SFMBT2: variants seen among roughly 807,000 people sequenced by gnomAD.
SFMBT2 encodes the protein scm-like with four MBT domains protein 2.
A neutral mutation model predicts 110.1 loss-of-function variants in SFMBT2; 38 were observed. The observed-to-expected ratio is 0.35, with a 90% confidence interval of 0.27 to 0.45. The LOEUF (loss-of-function observed/expected upper bound fraction) is 0.45, where lower values mean the gene tolerates loss of function less well. SFMBT2 is among the 20% of genes least tolerant of loss of function. The pLI is 1.00. For synonymous variants in SFMBT2, 425 were observed against 425.4 expected, an observed-to-expected ratio of 1.00 and a Z score of 0.01; for missense variants, 1,011 against 1,094.9, an observed-to-expected ratio of 0.92 and a Z score of 1.08.
At chr10:7,226,606 C>A (rs1321082994) in intron 10 of SFMBT2, among the ~76,000 whole-genome samples, 1 of 152,184 alleles carries the variant, frequency 6.6e-6, no homozygotes, top group African/African-American at 2.4e-5. Flanking sequence ...ACTTTCCTAA[C>A]TAAAAGCATG....
At chr10:7,339,525 T>C (rs1430350427) in intron 4 of SFMBT2, among the ~76,000 whole-genome samples, 1 of 152,266 alleles carries the variant, frequency 6.6e-6, no homozygotes, top group East Asian at 1.9e-4. Context: ...TATGTTTTGA[T>C]AGGTGCACTG....
At chr10:7,242,979 A>C (rs1276309863) in intron 9 of SFMBT2, among the ~76,000 whole-genome samples, 1 of 152,174 alleles carries the variant, frequency 6.6e-6, no homozygotes, top group East Asian at 1.9e-4. Context: ...TTCCTGAATA[A>C]ACCTGACCTA....
chr10:7,362,893 C>A (rs960338176), intron 4 of SFMBT2, among the ~76,000 whole-genome samples: 1 of 152,242 alleles, frequency 6.6e-6, no homozygotes, highest in African/African-American at 2.4e-5. Flanking sequence ...CTGGGCTAGA[C>A]GTCCATGGAT....
chr10:7,340,108 C>T (rs1345950037), intron 4 of SFMBT2, among the ~76,000 whole-genome samples: 1 of 152,194 alleles, frequency 6.6e-6, no homozygotes, highest in East Asian at 1.9e-4. Context: ...TCAATCCCAG[C>T]ATTTTGGGAT....
chr10:7,210,466 A>T (rs1839306974), intron 11 of SFMBT2, among the ~76,000 whole-genome samples: 1 of 152,198 alleles, frequency 6.6e-6, no homozygotes, highest in Non-Finnish European at 1.5e-5. Context: ...GAGGAGGCAA[A>T]TGGGTTCCAC....
At chr10:7,395,237 C>T (rs994096827) in intron 1 of SFMBT2, among the ~76,000 whole-genome samples, 4 of 152,162 alleles carry the variant, frequency 2.6e-5, no homozygotes, top group African/African-American at 9.7e-5. Context: ...CAGTGAGCAG[C>T]CACTGCACTG....
intron 9 of SFMBT2, among the ~76,000 whole-genome samples, chr10:7,229,471 C>T (rs1840046974): frequency 6.6e-6 from 1 of 150,848 alleles, no homozygotes; most frequent in African/African-American, 2.4e-5. Context: ...CCCAGCTACT[C>T]GGGAGGCTGT....
intron 4 of SFMBT2, among the ~76,000 whole-genome samples, chr10:7,342,610 C>CGTGTTAGCCAGG (rs1018103775): frequency 4.0e-4 from 61 of 152,018 alleles, no homozygotes; most frequent in Admixed American, 1.7e-3. Flanking sequence ...AGGGTTTCAC[C>CGTGTTAGCCAGG]ATGGTCTCGA....
At chr10:7,184,159 C>CA (rs921031326) in intron 16 of SFMBT2, among the ~76,000 whole-genome samples, 5 of 151,936 alleles carry the variant, frequency 3.3e-5, no homozygotes, top group Non-Finnish European at 5.9e-5. Context: ...GATAAAATGC[C>CA]AAAAAAATCA....
At chr10:7,290,463 G>C (rs996513325) in intron 4 of SFMBT2, among the ~76,000 whole-genome samples, 5 of 152,134 alleles carry the variant, frequency 3.3e-5, no homozygotes, top group African/African-American at 7.2e-5. Context: ...CTCAAGTTCT[G>C]AGTTTGAGTT....
At chr10:7,308,947 A>G (rs1842770256) in intron 4 of SFMBT2, among the ~76,000 whole-genome samples, 1 of 152,240 alleles carries the variant, frequency 6.6e-6, no homozygotes, top group African/African-American at 2.4e-5. Flanking sequence ...CCAGAAATGG[A>G]TATCCAAATG....
intron 10 of SFMBT2, among the ~76,000 whole-genome samples, chr10:7,227,088 A>T (rs1260363181): frequency 6.6e-6 from 1 of 152,214 alleles, no homozygotes; most frequent in Non-Finnish European, 1.5e-5. Flanking sequence ...TGTCACAAAA[A>T]TCCTATTATT....
In SFMBT2 at chr10:7,408,355, G is replaced by A. The variant is rs894511715; in HGVS notation, c.-52+2506C>T. Among the ~76,000 whole-genome samples the A allele has an allele frequency of 2.0e-5, 3 of 152,180 alleles. No individual in the cohort carries two copies. The highest frequency in any genetic ancestry group is 7.2e-5 in the African/African-American group (3 of 41,438). The stretch of plus-strand genomic sequence containing the variant: ...GCCGCGGGGTCTCCAAGCCAGTGCC[G>A]CTTGCTCCCGGCCCCCACCCACTGA... On this transcript the variant is annotated intron_variant, in intron 1 of 20. Coordinates refer to ENST00000397167, the MANE Select transcript of SFMBT2 (RefSeq NM_001387889.1). The surrounding 1 kb of genome is among the most constrained non-coding windows in gnomAD (Gnocchi z 5.7).
At chr10:7,191,406 C>T (rs1047437332) in intron 15 of SFMBT2, among the ~76,000 whole-genome samples, 2 of 152,216 alleles carry the variant, frequency 1.3e-5, no homozygotes, top group East Asian at 3.8e-4. Flanking sequence ...TTCCACCTCA[C>T]GCTCTGAGAG....
At chr10:7,277,393 C>T (rs547887818) in intron 6 of SFMBT2, 4 of 243,798 alleles carry the variant, frequency 1.6e-5, no homozygotes, top group South Asian at 1.5e-4. Context: ...AAACTACAAA[C>T]GACTCTAGTC....
intron 16 of SFMBT2, among the ~76,000 whole-genome samples, chr10:7,176,910 T>G (rs974248331): frequency 6.6e-6 from 1 of 152,020 alleles, no homozygotes; most frequent in African/African-American, 2.4e-5. Flanking sequence ...GAGTGGCAGT[T>G]AAAGGAAAAG....
At chr10:7,292,708 T>C (rs1342130482) in intron 4 of SFMBT2, among the ~76,000 whole-genome samples, 1 of 152,180 alleles carries the variant, frequency 6.6e-6, no homozygotes, top group African/African-American at 2.4e-5. Flanking sequence ...AGAAATAGTA[T>C]CATTTTGTTG....
chr10:7,358,713 G>A (rs1349372459), intron 4 of SFMBT2, among the ~76,000 whole-genome samples: 1 of 147,398 alleles, frequency 6.8e-6, no homozygotes, highest in Non-Finnish European at 1.5e-5. Context: ...GCTCTGGAAT[G>A]AAGGCATGGC....
intron 20 of SFMBT2, among the ~76,000 whole-genome samples, chr10:7,167,731 G>A (rs1318707805): frequency 2.0e-5 from 3 of 152,172 alleles, no homozygotes; most frequent in Admixed American, 1.3e-4. Context: ...CAGCCCAGTG[G>A]GCAATGGCTT....
Sources: gnomAD v4.1 joint callset for allele counts (sites outside exome capture counted in the v4.1 genomes callset) on GRCh38, gnomAD v4.1.1 for gene constraint, Gnocchi (gnomAD v3.1) non-coding constraint, MANE v1.5 for transcripts, NCBI Gene and HGNC (gene_info 2026-07-23, HGNC 2026-07-21) for gene names.